CSMD1: variants seen among roughly 807,000 people sequenced by gnomAD.
CSMD1 encodes the protein CUB and sushi domain-containing protein 1.
A neutral mutation model predicts 417.5 loss-of-function variants in CSMD1; 213 were observed. The observed-to-expected ratio is 0.51, with a 90% CI of 0.46 to 0.57. The LOEUF is 0.57. Ranked by LOEUF, CSMD1 falls within the 20% of genes least tolerant of loss-of-function variation. The pLI is 0.00. For synonymous variants in CSMD1, 2,862 were observed against 1,736.8 expected, an observed-to-expected ratio of 1.65 and a Z score of -16.11; for missense variants, 6,923 against 4,529.7, an observed-to-expected ratio of 1.53 and a Z score of -15.17.
At chr8:3,305,590 A>G (rs957103104) in intron 25 of CSMD1, among the ~76,000 whole-genome samples, 14 of 151,440 alleles carry the variant, frequency 9.2e-5, no homozygotes, top group African/African-American at 3.4e-4. Flanking sequence ...TGATGCTCTC[A>G]CCATGTGGAC....
intron 49 of CSMD1, among the ~76,000 whole-genome samples, chr8:3,073,046 C>G (rs963757168): frequency 2.6e-5 from 4 of 151,924 alleles, no homozygotes; most frequent in Non-Finnish European, 5.9e-5. Flanking sequence ...GAAATGCAAC[C>G]CTCCCAAATT....
intron 6 of CSMD1, among the ~76,000 whole-genome samples, chr8:3,738,987 T>A (rs962358587): frequency 1.3e-5 from 2 of 152,258 alleles, no homozygotes; most frequent in African/African-American, 4.8e-5. Flanking sequence ...AGACATGATC[T>A]ATTCAGAGAT....
intron 1 of CSMD1, among the ~76,000 whole-genome samples, chr8:4,714,518 C>T (rs1057232455): frequency 3.3e-5 from 5 of 152,044 alleles, no homozygotes; most frequent in Non-Finnish European, 5.9e-5. Flanking sequence ...ATAATTTTGC[C>T]CAATTGAACA....
chr8:4,737,548 C>A (rs1290583442), intron 1 of CSMD1, among the ~76,000 whole-genome samples: 1 of 152,070 alleles, frequency 6.6e-6, no homozygotes, highest in Admixed American at 6.6e-5. Flanking sequence ...GATGATTTCC[C>A]TTATAGACAC....
At chr8:4,522,678 G>A (rs1354227179) in intron 2 of CSMD1, among the ~76,000 whole-genome samples, 2 of 152,126 alleles carry the variant, frequency 1.3e-5, no homozygotes, top group East Asian at 3.9e-4. Flanking sequence ...CCGTCTTGCT[G>A]TGTGATCTGT....
At chr8:4,717,829 A>G (rs1808785205) in intron 1 of CSMD1, among the ~76,000 whole-genome samples, 1 of 152,196 alleles carries the variant, frequency 6.6e-6, no homozygotes, top group South Asian at 2.1e-4. Context: ...CCGCCACCCC[A>G]GGAATCTCTT....
Position 4,943,153 on chromosome 8 carries a change from A to C in CSMD1, c.85+51179T>G, listed in dbSNP as rs1200098730. Among the ~76,000 whole-genome samples, 3 of 152,212 alleles carry C rather than the reference A, an allele frequency of 2.0e-5. No individual in the cohort carries two copies. In the East Asian group the frequency reaches 5.8e-4, roughly 29 times the overall value. On this transcript the variant is annotated intron_variant, in intron 1 of 69. Transcript: ENST00000635120. Reference sequence around the variant, plus strand: ...GGATTAATTTCACTTCTAATCAGTTAGTAAGGTCTTCATTATGTATACCGT... The same window carrying C: ...GGATTAATTTCACTTCTAATCAGTTCGTAAGGTCTTCATTATGTATACCGT...
intron 3 of CSMD1, among the ~76,000 whole-genome samples, chr8:4,172,161 G>C (rs576520151): frequency 1.6e-4 from 24 of 152,094 alleles, no homozygotes; most frequent in Non-Finnish European, 2.9e-4. Flanking sequence ...GGACCTAAGA[G>C]AAGTGTTTGT....
chr8:3,635,166 T>C (rs1796971745), intron 7 of CSMD1, among the ~76,000 whole-genome samples: 1 of 152,076 alleles, frequency 6.6e-6, no homozygotes, highest in Admixed American at 6.6e-5. Context: ...GCCAAGGACA[T>C]GGCTGTGCAC....
intron 22 of CSMD1, among the ~76,000 whole-genome samples, chr8:3,345,389 C>T (rs1326842293): frequency 6.6e-6 from 1 of 152,132 alleles, no homozygotes; most frequent in Non-Finnish European, 1.5e-5. Context: ...TGGGTCCAAC[C>T]ACCGAAACCC....
At chr8:3,460,589 C>T (rs945204801) in intron 12 of CSMD1, among the ~76,000 whole-genome samples, 12 of 151,872 alleles carry the variant, frequency 7.9e-5, no homozygotes, top group East Asian at 1.9e-4. Context: ...CTGTGGAAGC[C>T]GACTAAGGGT....
intron 36 of CSMD1, among the ~76,000 whole-genome samples, chr8:3,186,202 C>G (rs752601525): frequency 6.6e-6 from 1 of 151,980 alleles, no homozygotes; most frequent in Non-Finnish European, 1.5e-5. Flanking sequence ...TGAGAGAGGC[C>G]TTATCTTGTA....
chr8:3,241,465 T>G (rs571566548), intron 26 of CSMD1, among the ~76,000 whole-genome samples: 46 of 152,276 alleles, frequency 3.0e-4, no homozygotes, highest in Non-Finnish European at 3.2e-4. Flanking sequence ...CGAGGTGATC[T>G]GGCAGTGTCA....
chr8:3,809,018 G>T (rs1454384241), intron 5 of CSMD1, among the ~76,000 whole-genome samples: 3 of 152,154 alleles, frequency 2.0e-5, no homozygotes, highest in South Asian at 2.1e-4. Flanking sequence ...ATTCAAGGAT[G>T]CTGGAAGGCA....
chr8:3,441,194 C>G (rs557146312), intron 12 of CSMD1, among the ~76,000 whole-genome samples: 1 of 151,990 alleles, frequency 6.6e-6, no homozygotes, highest in Non-Finnish European at 1.5e-5. Context: ...TTTCTCTCCC[C>G]GGGAGATCTG....
At chr8:4,223,717 G>A (rs1039790206) in intron 3 of CSMD1, among the ~76,000 whole-genome samples, 2 of 152,144 alleles carry the variant, frequency 1.3e-5, no homozygotes, top group African/African-American at 2.4e-5. Flanking sequence ...TTTGTTATCT[G>A]AAAAATGAGG....
chr8:4,798,647 C>T (rs1798112896), intron 1 of CSMD1, among the ~76,000 whole-genome samples: 1 of 152,040 alleles, frequency 6.6e-6, no homozygotes. Flanking sequence ...TCAATTCTTT[C>T]AAGAAAACTA....
chr8:4,901,575 G>A (rs528691265), intron 1 of CSMD1, among the ~76,000 whole-genome samples: 4 of 152,264 alleles, frequency 2.6e-5, no homozygotes, highest in South Asian at 2.1e-4. Flanking sequence ...AATGTCAGAT[G>A]TTTCTTTACG....
At chr8:4,376,633 C>G (rs887393333) in intron 3 of CSMD1, among the ~76,000 whole-genome samples, 2 of 152,112 alleles carry the variant, frequency 1.3e-5, no homozygotes, top group Non-Finnish European at 2.9e-5. Flanking sequence ...TATTTCTTTT[C>G]AGAAGGGTTG....
Sources: gnomAD v4.1 joint callset for allele counts (sites outside exome capture counted in the v4.1 genomes callset) on GRCh38, gnomAD v4.1.1 for gene constraint, MANE v1.5 for transcripts, NCBI Gene and HGNC (gene_info 2026-07-23, HGNC 2026-07-21) for gene names.